SBK1: variants seen among roughly 807,000 people sequenced by gnomAD.
SBK1 encodes the protein serine/threonine-protein kinase SBK1.
Under a neutral mutation model 24.4 loss-of-function variants are expected in SBK1, and 11 were observed. The ratio of observed to expected loss-of-function variants is 0.45; its 90% CI spans 0.28 to 0.75. SBK1 has a LOEUF of 0.75. SBK1 is among the 30% of genes least tolerant of loss of function. SBK1 has a pLI of 0.12. For synonymous variants in SBK1, 308 were observed against 284.4 expected (o/e 1.08, Z -0.83); for missense variants, 467 against 620.5 (o/e 0.75, Z 2.63).
chr16:28,295,883 C>T (rs2044635419), intron 1 of SBK1, among the ~76,000 whole-genome samples: 1 of 151,880 alleles, frequency 6.6e-6, no homozygotes, highest in Admixed American at 6.6e-5. Context: ...CTCCTGGCCC[C>T]CGATGCTGGC....
chr16:28,317,490 T>C lies in SBK1; in HGVS notation c.99T>C (p.Thr33=), dbSNP rs2044806069. The change falls in exon 2 of 4, where the codon ACT becomes ACC. Residue 33 remains threonine (T), a synonymous_variant. Transcript: ENST00000341901. This position sits in a 1 kb window ranked among gnomAD's most constrained non-coding sequence, Gnocchi z 4.2. ...CTGGTGCCGGTGTGCCCCTTCTCAC[T>C]GAAGACATGCAGGCCCTGACTCTCC... is the stretch of plus-strand genomic sequence containing the variant. ...PGPGAGVPLL[T]EDMQALTLRT... 6.2e-7 allele frequency: 1 copy of C among 1,614,002 alleles called. No individual in the cohort carries two copies. The highest frequency in any genetic ancestry group is 1.7e-5 in the Admixed American group (1 of 59,992).
chr16:28,292,435 C>T (rs1432967744), upstream of SBK1: 7 of 684,504 alleles, frequency 1.0e-5, no homozygotes, highest in Admixed American at 2.2e-4. Context: ...CCGAGCGGGA[C>T]GGACAAAGGG....
At chr16:28,279,202 T>A in intron 1 of SBK1, among the ~76,000 whole-genome samples, 1 of 126,790 alleles carries the variant, frequency 7.9e-6, no homozygotes. Flanking sequence ...ACAGCGAGAC[T>A]CTGTCAAAAA....
At chr16:28,306,188 T>C (rs1274384874) in intron 1 of SBK1, among the ~76,000 whole-genome samples, 1 of 152,024 alleles carries the variant, frequency 6.6e-6, no homozygotes. Context: ...CCTCTCACCC[T>C]GGGCTGCAAA....
rs1332091901 is a variant in SBK1 at position 28,307,889 on chromosome 16, G to A, written c.-7-9496G>A. ...GTAGCACCCACCTCCCAGGGTTGCT[G>A]TGCTTATCATCTAATAGATTTAATC... is the stretch of plus-strand genomic sequence containing the variant. On this transcript the variant is annotated intron_variant, in intron 1 of 3. Coordinates refer to ENST00000341901, the MANE Select transcript of SBK1 (RefSeq NM_001024401.3). 3.3e-5 allele frequency among the ~76,000 whole-genome samples: 5 copies of A among 152,176 alleles called. No homozygotes were observed. In the East Asian group the frequency reaches 9.6e-4, roughly 29 times the overall value.
chr16:28,298,874 G>A (rs945492431), intron 1 of SBK1, among the ~76,000 whole-genome samples: 2 of 152,242 alleles, frequency 1.3e-5, no homozygotes, highest in African/African-American at 4.8e-5. Flanking sequence ...GGCCCAGAGA[G>A]GCTGTATAGC....
At chr16:28,309,333 G>T (rs1017421653) in intron 1 of SBK1, among the ~76,000 whole-genome samples, 1 of 152,200 alleles carries the variant, frequency 6.6e-6, no homozygotes, top group African/African-American at 2.4e-5. Context: ...GGGAGGCAAC[G>T]TGGTTCCCTG....
intron 1 of SBK1, among the ~76,000 whole-genome samples, chr16:28,314,804 C>T (rs1350874283): frequency 6.6e-6 from 1 of 152,214 alleles, no homozygotes; most frequent in African/African-American, 2.4e-5. Flanking sequence ...CATGGTGAAA[C>T]CCCATCTCTA....
upstream of SBK1, chr16:28,291,650 G>A (rs2141574673): frequency 6.6e-6 from 1 of 151,936 alleles, no homozygotes; most frequent in Non-Finnish European, 1.5e-5. Context: ...AGAAAGAACA[G>A]GGCCTGGAAG....
At chr16:28,273,664 G>A (rs979545383) in intron 1 of SBK1, among the ~76,000 whole-genome samples, 2 of 151,954 alleles carry the variant, frequency 1.3e-5, no homozygotes, top group East Asian at 1.9e-4. Context: ...AAACTCCTGA[G>A]CTCAAGCAGT....
At chr16:28,271,157 CCG>C (rs919502433) in intron 1 of SBK1, among the ~76,000 whole-genome samples, 2 of 152,106 alleles carry the variant, frequency 1.3e-5, no homozygotes, top group African/African-American at 4.8e-5. Flanking sequence ...GCCACTGCAC[CCG>C]GCCTACGCAC....
chr16:28,285,334 T>C (rs957081801), intron 1 of SBK1: 3 of 152,184 alleles, frequency 2.0e-5, no homozygotes, highest in African/African-American at 4.8e-5. Flanking sequence ...GGCAGGCAGA[T>C]CATGAAGTCA....
At chr16:28,309,827 G>A (rs2044742019) in intron 1 of SBK1, among the ~76,000 whole-genome samples, 1 of 152,202 alleles carries the variant, frequency 6.6e-6, no homozygotes, top group African/African-American at 2.4e-5. Flanking sequence ...ACACCATGTA[G>A]GTCTGTGTAT....
chr16:28,314,111 G>C (rs923056740), intron 1 of SBK1, among the ~76,000 whole-genome samples: 1 of 151,096 alleles, frequency 6.6e-6, no homozygotes, highest in African/African-American at 2.4e-5. Flanking sequence ...AACGCATCGG[G>C]AGAAGGCACT....
At chr16:28,288,372 G>A (rs1053523497), upstream of SBK1, among the ~76,000 whole-genome samples, 11 of 152,220 alleles carry the variant, frequency 7.2e-5, no homozygotes, top group African/African-American at 2.6e-4. Flanking sequence ...GGTCTGAATG[G>A]CACATTTTCA....
intron 1 of SBK1, chr16:28,284,765 CTTCT>C (rs2044555204): frequency 6.6e-6 from 1 of 152,150 alleles, no homozygotes; most frequent in Admixed American, 6.6e-5. Context: ...TAGTGAAAAA[CTTCT>C]TTCTTTTTCC....
At position 28,317,113 on chromosome 16, in the gene SBK1, C is replaced by T. The variant is rs529640764; in HGVS notation, c.-7-272C>T. 1.3e-5 allele frequency among the ~76,000 whole-genome samples: 2 copies of T among 152,232 alleles called. No individual in the cohort carries two copies. Among genetic ancestry groups the T allele is most frequent in the Non-Finnish European group, 2.9e-5 (2 of 68,038 alleles). On this transcript the variant is annotated intron_variant, in intron 1 of 3. Transcript: ENST00000341901. This position sits in a 1 kb window ranked among gnomAD's most constrained non-coding sequence, Gnocchi z 4.2. ...ACATAAACAGGGGCCTTGCCTGACA[C>T]TGTGTGTGGGTGGCAGCATGAGGCA...
rs181341924 is a variant in SBK1, at chr16:28,297,171, A to G, written c.-8+3871A>G. ...ATGGTGAAACCCTGTCTCTACTAAA[A>G]ATACAAAAAATTAGCCAGGTGCGGT... On this transcript the variant is annotated intron_variant, in intron 1 of 3. Transcript: ENST00000341901. Among the ~76,000 whole-genome samples, 524 of 152,242 alleles carry G rather than the reference A, an allele frequency of 3.4e-3. 1 individual carries two copies. Among genetic ancestry groups the G allele is most frequent in the Admixed American group, 0.013 (196 of 15,286 alleles).
Position 28,319,442 on chromosome 16 carries a change from A to G in SBK1, c.429+245A>G, listed in dbSNP as rs972212237. Among the ~76,000 whole-genome samples the G allele has an allele frequency of 9.9e-5, 15 of 152,144 alleles. No homozygotes were observed. The highest frequency in any genetic ancestry group is 2.1e-4 in the Non-Finnish European group (14 of 68,026). ...GATGAGTGCCTAAAAGGAGACAGTG[A>G]GAATGATGGGATGAAGTCACTGGGC... is the stretch of plus-strand genomic sequence containing the variant. On this transcript the variant is annotated intron_variant, in intron 3 of 3. Coordinates refer to ENST00000341901, the MANE Select transcript of SBK1 (RefSeq NM_001024401.3). This position sits in a 1 kb window ranked among gnomAD's most constrained non-coding sequence, Gnocchi z 4.0.
Sources: gnomAD v4.1 joint callset for allele counts (sites outside exome capture counted in the v4.1 genomes callset) on GRCh38, gnomAD v4.1.1 for gene constraint, Gnocchi (gnomAD v3.1) non-coding constraint, MANE v1.5 for transcripts, NCBI Gene and HGNC (gene_info 2026-07-23, HGNC 2026-07-21) for gene names.